PKHD1: variants seen among roughly 807,000 people sequenced by gnomAD.
PKHD1 encodes PKHD1 ciliary IPT domain containing fibrocystin/polyductin.
A neutral mutation model predicts 412.0 loss-of-function variants in PKHD1; 291 were observed. The observed-to-expected ratio is 0.71, with a 90% CI of 0.64 to 0.78. The LOEUF (loss-of-function observed/expected upper bound fraction) is 0.78, where lower values mean the gene tolerates loss of function less well. PKHD1 is among the 30% of genes least tolerant of loss of function. PKHD1 has a pLI of 0.00. For synonymous variants in PKHD1, 1,777 were observed against 1,821.5 expected, an observed-to-expected ratio of 0.98 and a Z score of 0.62; for missense variants, 4,825 against 4,950.7, an observed-to-expected ratio of 0.97 and a Z score of 0.76.
At chr6:51,651,085 T>C (rs1305952051) in intron 61 of PKHD1, among the ~76,000 whole-genome samples, 1 of 152,108 alleles carries the variant, frequency 6.6e-6, no homozygotes, top group Non-Finnish European at 1.5e-5. Context: ...CATAAGTACA[T>C]TGACGTCTTG....
chr6:51,881,089 T>TC (rs1224216029), intron 46 of PKHD1, among the ~76,000 whole-genome samples: 1 of 149,648 alleles, frequency 6.7e-6, no homozygotes, highest in Non-Finnish European at 1.5e-5. Flanking sequence ...TTTTTTTTTT[T>TC]TTTCTTTTTT....
chr6:51,757,521 G>A (rs916260166), intron 55 of PKHD1, among the ~76,000 whole-genome samples: 5 of 151,910 alleles, frequency 3.3e-5, no homozygotes, highest in African/African-American at 1.2e-4. Context: ...AAGTCACTAC[G>A]GTCACTATGC....
At chr6:51,666,694 C>A (rs1441197573) in intron 60 of PKHD1, among the ~76,000 whole-genome samples, 1 of 115,766 alleles carries the variant, frequency 8.6e-6, no homozygotes, top group Non-Finnish European at 1.7e-5. Flanking sequence ...TCCCTCCCCC[C>A]TCCCCCCACC....
At position 51,616,738 on chromosome 6, in the gene PKHD1, G is replaced by A. The variant is rs747582712; in HGVS notation, c.*2343C>T. On this transcript the variant is annotated 3_prime_UTR_variant, in exon 67 of 67. Coordinates refer to ENST00000371117, the MANE Select transcript of PKHD1 (RefSeq NM_138694.4). ...GTAAGATAATTATGGTTATTCCTACGCAGAGGGATAGGATAAAACATGCCT... is the reference window on the plus strand; with the variant it reads ...GTAAGATAATTATGGTTATTCCTACACAGAGGGATAGGATAAAACATGCCT... 5.3e-5 allele frequency: 21 copies of A among 397,702 alleles called. No individual in the cohort carries two copies. Among genetic ancestry groups the A allele is most frequent in the African/African-American group, 1.0e-4 (5 of 48,122 alleles). The allele number at this position is 397,702 out of a possible 1,614,324, so 24.6% of individuals were successfully genotyped here.
At chr6:51,906,158 G>A in intron 41 of PKHD1, 57 bp downstream of exon 41, 1 of 1,488,152 alleles carries the variant, frequency 6.7e-7, no homozygotes. Context: ...AGAATTCATT[G>A]TGAAAAACTG....
At chr6:51,737,442 AAAT>A (rs1783994718) in intron 60 of PKHD1, among the ~76,000 whole-genome samples, 1 of 152,182 alleles carries the variant, frequency 6.6e-6, no homozygotes, top group African/African-American at 2.4e-5. Flanking sequence ...GTTTTTATTC[AAAT>A]AATTAAGATT....
chr6:51,657,106 AAGT>A (rs1771983413), intron 61 of PKHD1, among the ~76,000 whole-genome samples: 1 of 114,688 alleles, frequency 8.7e-6, no homozygotes, highest in South Asian at 3.4e-4. Flanking sequence ...AAAAAACTTA[AAGT>A]ATAATAATAA....
intron 56 of PKHD1, 133 bp from the exon 57 acceptor site, chr6:51,753,486 T>C: frequency 1.3e-6 from 1 of 747,128 alleles, no homozygotes; most frequent in Non-Finnish European, 2.4e-6. Context: ...TAAGGTCTGC[T>C]TTTCCTGGGG....
chr6:52,003,289 C>A lies in PKHD1; in HGVS notation c.5751+7020G>T, dbSNP rs140134315. 5.6e-3 allele frequency among the ~76,000 whole-genome samples: 849 copies of A among 152,184 alleles called. 7 individuals carry two copies. Among genetic ancestry groups the A allele is most frequent in the African/African-American group, 0.02 (819 of 41,504 alleles). The stretch of plus-strand genomic sequence containing the variant: ...ATTTTGTAGTCACTAGAAAAACAGA[C>A]GAGATGAGAAACCTGTGGAGTCTTG... On this transcript the variant is annotated intron_variant, in intron 35 of 66. Coordinates refer to ENST00000371117, the MANE Select transcript of PKHD1 (RefSeq NM_138694.4).
intron 36 of PKHD1, among the ~76,000 whole-genome samples, chr6:51,935,044 C>A (rs1277366022): frequency 6.6e-6 from 1 of 152,210 alleles, no homozygotes; most frequent in African/African-American, 2.4e-5. Flanking sequence ...ATCTCCCTGC[C>A]TGCCCCACCA....
chr6:51,700,565 T>C (rs1424515867), intron 60 of PKHD1, among the ~76,000 whole-genome samples: 1 of 152,018 alleles, frequency 6.6e-6, no homozygotes, highest in African/African-American at 2.4e-5. Context: ...CCCCCAAGGA[T>C]TGAATCTCTC....
chr6:51,863,078 G>T (rs1339166191), intron 48 of PKHD1, among the ~76,000 whole-genome samples: 1 of 151,900 alleles, frequency 6.6e-6, no homozygotes, highest in East Asian at 1.9e-4. Context: ...TGACCCTGAG[G>T]GATAAATACC....
rs1462830560 is a variant in PKHD1 at position 51,982,681 on chromosome 6, G to T, written c.5752-22655C>A. ...AGGGACACAAACACTGCGGAAGGCCGCAGGGTCCTCTGCCTAGGAAAACCA... is the reference window on the plus strand; with the variant it reads ...AGGGACACAAACACTGCGGAAGGCCTCAGGGTCCTCTGCCTAGGAAAACCA... On this transcript the variant is annotated intron_variant, in intron 35 of 66. Coordinates refer to ENST00000371117, the MANE Select transcript of PKHD1 (RefSeq NM_138694.4). Among the ~76,000 whole-genome samples, 6 of 146,084 alleles carry T rather than the reference G, an allele frequency of 4.1e-5. No homozygotes were observed. The East Asian group carries it at 1.2e-3, about 29-fold the overall frequency.
At chr6:51,672,054 T>C (rs1356373534) in intron 60 of PKHD1, among the ~76,000 whole-genome samples, 1 of 152,224 alleles carries the variant, frequency 6.6e-6, no homozygotes, top group Non-Finnish European at 1.5e-5. Context: ...GAATAAATGT[T>C]CACAGAGTAG....
At chr6:51,794,061 T>C (rs1373143547) in intron 52 of PKHD1, among the ~76,000 whole-genome samples, 1 of 151,044 alleles carries the variant, frequency 6.6e-6, no homozygotes, top group Non-Finnish European at 1.5e-5. Flanking sequence ...TTTTTTTTTT[T>C]TTTTTGAGAT....
At chr6:51,981,309 A>C (rs185798908) in intron 35 of PKHD1, among the ~76,000 whole-genome samples, 350 of 11,560 alleles carry the variant, frequency 0.03, 42 homozygotes, top group Non-Finnish European at 0.047. Flanking sequence ...CCAAAGCTCA[A>C]GCTCTCCCTC....
intron 64 of PKHD1, among the ~76,000 whole-genome samples, chr6:51,634,232 A>G (rs563765516): frequency 1.3e-5 from 2 of 152,258 alleles, no homozygotes; most frequent in East Asian, 3.9e-4. Context: ...CTGTGCTTTC[A>G]CTGGGCTGAA....
rs372102850 is a variant in PKHD1, at chr6:51,748,045, T to G, written c.9571A>C (p.Asn3191His). Residue 3191 changes from asparagine (N) to histidine (H), a missense_variant, in exon 58 of 67, where the codon AAT becomes CAT. By Grantham distance (68) the Asn-to-His change is moderately conservative. Transcript: ENST00000371117. ...AVVYVFSAPQ[N>H]SVKKVQIVLR... ...ACAATCTGCACTTTTTTGACGGAAT[T>G]TTGTGGAGCAGAAAATACATACACT... 7.2e-5 allele frequency: 117 copies of G among 1,613,970 alleles called. No homozygotes were observed. The highest frequency in any genetic ancestry group is 9.4e-5 in the Non-Finnish European group (111 of 1,179,992).
chr6:52,026,938 T>G (rs553547735), intron 31 of PKHD1, among the ~76,000 whole-genome samples: 1 of 152,350 alleles, frequency 6.6e-6, no homozygotes, highest in South Asian at 2.1e-4. Context: ...TGTGCTATCT[T>G]ACACATGATC....
Sources: allele counts gnomAD v4.1 joint callset (sites outside exome capture counted in the v4.1 genomes callset), GRCh38; gene constraint gnomAD v4.1.1; transcripts MANE v1.5; gene names NCBI Gene and HGNC (gene_info 2026-07-23, HGNC 2026-07-21).